The following CAPN13 variants were observed in gnomAD, a reference collection of about 807,000 sequenced individuals.
CAPN13 encodes the protein calpain 13, also known as calpain-13.
Under a neutral mutation model 98.4 loss-of-function variants are expected in CAPN13, and 90 were observed. The ratio of observed to expected loss-of-function variants is 0.92; its 90% confidence interval spans 0.77 to 1.09. The LOEUF is 1.09. Ranked by LOEUF, CAPN13 falls within the 50% of genes least tolerant of loss-of-function variation. The pLI is 0.00. For synonymous variants in CAPN13, 330 were observed against 305.5 expected (o/e 1.08, Z -0.84); for missense variants, 887 against 841.3 (o/e 1.05, Z -0.67).
intron 1 of CAPN13, among the ~76,000 whole-genome samples, chr2:30,791,392 C>A (rs1419918812): frequency 6.6e-6 from 1 of 152,182 alleles, no homozygotes; most frequent in Non-Finnish European, 1.5e-5. Flanking sequence ...TCAATAAAAT[C>A]TCCTGAGTGT....
intron 19 of CAPN13, among the ~76,000 whole-genome samples, chr2:30,734,119 C>T (rs1226332844): frequency 6.6e-6 from 1 of 152,328 alleles, no homozygotes; most frequent in East Asian, 1.9e-4. Flanking sequence ...GGCCCAGATA[C>T]TGAGCTGGAA....
At chr2:30,734,690 C>T (rs1270322053) in intron 18 of CAPN13, among the ~76,000 whole-genome samples, 166 bp from the exon 19 acceptor site, 2 of 152,196 alleles carry the variant, frequency 1.3e-5, no homozygotes, top group African/African-American at 4.8e-5. Context: ...ACCATCCTGG[C>T]TGCCCGCTGA....
At chr2:30,736,715 C>T (rs1275537701) in intron 17 of CAPN13, 144 bp from the exon 18 acceptor site, 9 of 705,472 alleles carry the variant, frequency 1.3e-5, no homozygotes, top group Non-Finnish European at 2.2e-5. Context: ...TGCCAGCTGG[C>T]TCCCGCTGTG....
At chr2:30,803,067 C>A (rs1675387648) in intron 1 of CAPN13, among the ~76,000 whole-genome samples, 1 of 152,194 alleles carries the variant, frequency 6.6e-6, no homozygotes, top group East Asian at 1.9e-4. Context: ...CAGGGCCATG[C>A]CATCCGACTG....
chr2:30,735,621 G>A (rs1030849845), intron 18 of CAPN13, among the ~76,000 whole-genome samples: 24 of 152,304 alleles, frequency 1.6e-4, no homozygotes, highest in African/African-American at 5.8e-4. Context: ...CAGGGGAGTG[G>A]ACATGCCAGC....
intron 1 of CAPN13, among the ~76,000 whole-genome samples, 163 bp from the exon 2 acceptor site, chr2:30,787,520 C>G (rs985082803): frequency 6.6e-6 from 1 of 152,220 alleles, no homozygotes; most frequent in Non-Finnish European, 1.5e-5. Context: ...AACTAGGATT[C>G]AAGCATCCTC....
chr2:30,744,267 G>T (rs1363032260), intron 12 of CAPN13, among the ~76,000 whole-genome samples: 1 of 152,194 alleles, frequency 6.6e-6, no homozygotes, highest in Admixed American at 6.5e-5. Flanking sequence ...GCTATGCCTT[G>T]CAGGGAAAAC....
intron 2 of CAPN13, among the ~76,000 whole-genome samples, chr2:30,780,988 A>G (rs2148060269): frequency 6.6e-6 from 1 of 152,362 alleles, no homozygotes; most frequent in South Asian, 2.1e-4. Flanking sequence ...GATTAGATTC[A>G]GGCTGAACTG....
intron 7 of CAPN13, among the ~76,000 whole-genome samples, chr2:30,760,056 C>T (rs1201340554): frequency 6.6e-6 from 1 of 151,934 alleles, no homozygotes; most frequent in East Asian, 1.9e-4. Context: ...TACCCTAAGG[C>T]ACCCCAGGCC....
At chr2:30,734,006 G>T (rs1671227371) in intron 19 of CAPN13, among the ~76,000 whole-genome samples, 1 of 152,164 alleles carries the variant, frequency 6.6e-6, no homozygotes, top group South Asian at 2.1e-4. Flanking sequence ...GAAAGCCTTT[G>T]CCTACTTGAA....
intron 8 of CAPN13, among the ~76,000 whole-genome samples, chr2:30,754,969 G>A (rs1672370478): frequency 6.6e-6 from 1 of 152,044 alleles, no homozygotes. Flanking sequence ...ACCTATCAGT[G>A]GTTCCATATT....
intron 1 of CAPN13, among the ~76,000 whole-genome samples, chr2:30,789,321 G>A (rs1674489073): frequency 6.6e-6 from 1 of 152,164 alleles, no homozygotes; most frequent in African/African-American, 2.4e-5. Flanking sequence ...GCATTGCCAA[G>A]CCTCCTACCT....
chr2:30,753,309 T>G, intron 9 of CAPN13, 111 bp from the exon 10 acceptor site: 3 of 1,098,514 alleles, frequency 2.7e-6, no homozygotes, highest in Non-Finnish European at 4.0e-6. Flanking sequence ...CAGTGTCTGA[T>G]CCTGGCTCAT....
rs775323056 is a variant in CAPN13, at chr2:30,741,816, C to T, written c.1536+92G>A. 6.3e-6 allele frequency: 10 copies of T among 1,599,630 alleles called. No homozygotes were observed. The South Asian group carries it at 6.8e-5, about 11-fold the overall frequency. On this transcript the variant is annotated intron_variant, in intron 15 of 22. Transcript: ENST00000295055. ...TAGTCCATCAAGTCACTTCTCCTCTCTGCATCCCAGTAAGGGCCTGTGAGA... is the reference window on the plus strand; with the variant it reads ...TAGTCCATCAAGTCACTTCTCCTCTTTGCATCCCAGTAAGGGCCTGTGAGA...
intron 8 of CAPN13, among the ~76,000 whole-genome samples, 200 bp downstream of exon 8, chr2:30,757,846 T>G (rs1281666649): frequency 6.6e-6 from 1 of 152,160 alleles, no homozygotes; most frequent in African/African-American, 2.4e-5. Flanking sequence ...GTACAGGGTG[T>G]ACACAGTAGG....
At chr2:30,791,080 C>G (rs1291140942) in intron 1 of CAPN13, among the ~76,000 whole-genome samples, 1 of 152,178 alleles carries the variant, frequency 6.6e-6, no homozygotes, top group East Asian at 1.9e-4. Flanking sequence ...GTGACTAACC[C>G]TAGCCTGATC....
In CAPN13 at chr2:30,743,702, A is replaced by G. The variant is rs77256023; in HGVS notation, c.1249-123T>C. The G allele has an allele frequency of 1.8e-3, 1,534 of 847,042 alleles. 17 individuals are homozygous for G. The African/African-American group carries it at 0.023, about 13-fold the overall frequency. 52.5% of individuals were successfully genotyped at this position (847,042 alleles called of 1,614,324 possible). On this transcript the variant is annotated intron_variant, in intron 12 of 22. Transcript: ENST00000295055. ...TCACCAAGATAACATTACAGGCTCTATAAATGGAGACAGTGCTCAGCTGAA... is the reference window on the plus strand; with the variant it reads ...TCACCAAGATAACATTACAGGCTCTGTAAATGGAGACAGTGCTCAGCTGAA...
intron 1 of CAPN13, among the ~76,000 whole-genome samples, chr2:30,802,463 A>C (rs10207974): frequency 7.1e-6 from 1 of 140,106 alleles, no homozygotes; most frequent in African/African-American, 2.7e-5. Context: ...GTGTGTGTGT[A>C]TGTGTGTGTG....
chr2:30,762,997 A>G (rs950020366), intron 7 of CAPN13, 85 bp downstream of exon 7: 11 of 1,107,462 alleles, frequency 9.9e-6, no homozygotes, highest in South Asian at 3.1e-5. Context: ...TTGGGCTTTC[A>G]TGTGATTCTG....
Sources: allele counts gnomAD v4.1 joint callset (sites outside exome capture counted in the v4.1 genomes callset), GRCh38; gene constraint gnomAD v4.1.1; transcripts MANE v1.5; gene names NCBI Gene and HGNC (gene_info 2026-07-23, HGNC 2026-07-21).